Variants in RPS6KC1 observed in about 807,000 individuals in gnomAD.
The protein encoded by RPS6KC1 is ribosomal protein S6 kinase C1.
In RPS6KC1, 54 loss-of-function variants were observed where a neutral mutation model predicts 103.8. The ratio of observed to expected loss-of-function variants is 0.52; its 90% confidence interval spans 0.42 to 0.65. The LOEUF is 0.65. RPS6KC1 is among the 30% of genes least tolerant of loss of function. The pLI is 0.00. For synonymous variants in RPS6KC1, 439 were observed against 438.7 expected, an observed-to-expected ratio of 1.00 and a Z score of -0.01; for missense variants, 1,151 against 1,253.8, an observed-to-expected ratio of 0.92 and a Z score of 1.24.
chr1:213,377,503 ACTTT>A, the RPS6KC1 span, among the ~76,000 whole-genome samples: 1 of 152,202 alleles, frequency 6.6e-6, no homozygotes, highest in Non-Finnish European at 1.5e-5. Flanking sequence ...ATTTTCTAAC[ACTTT>A]CTATTTGTGG....
chr1:213,630,997 G>A, the RPS6KC1 span, among the ~76,000 whole-genome samples: 4 of 152,170 alleles, frequency 2.6e-5, no homozygotes, highest in African/African-American at 7.2e-5. Context: ...CTGGGGCATA[G>A]GACCCTCTGA....
the RPS6KC1 span, among the ~76,000 whole-genome samples, chr1:213,453,236 C>G: frequency 6.6e-6 from 1 of 152,120 alleles, no homozygotes; most frequent in Non-Finnish European, 1.5e-5. Flanking sequence ...TGAATATCTT[C>G]TATACATCAG....
At chr1:213,519,311 T>A in the RPS6KC1 span, among the ~76,000 whole-genome samples, 1 of 152,114 alleles carries the variant, frequency 6.6e-6, no homozygotes, top group Admixed American at 6.6e-5. Flanking sequence ...GAGTCTGTAA[T>A]GTTAGATTGA....
intron 12 of RPS6KC1, among the ~76,000 whole-genome samples, chr1:213,258,202 C>T (rs1032240070): frequency 2.0e-5 from 3 of 151,932 alleles, no homozygotes; most frequent in Admixed American, 6.6e-5. Context: ...AGGATGGTCT[C>T]GATCTCCTGA....
intron 8 of RPS6KC1, among the ~76,000 whole-genome samples, chr1:213,202,579 C>T (rs2093203224): frequency 6.6e-6 from 1 of 152,120 alleles, no homozygotes; most frequent in Admixed American, 6.6e-5. Context: ...CCCCACTGCA[C>T]TCAAACCTGG....
At chr1:213,304,951 G>T in the RPS6KC1 span, among the ~76,000 whole-genome samples, 13 of 152,122 alleles carry the variant, frequency 8.5e-5, no homozygotes, top group African/African-American at 2.7e-4. Context: ...TTACATGGAG[G>T]TCCTCTGTTT....
At chr1:213,214,552 A>G (rs1285374844) in intron 8 of RPS6KC1, among the ~76,000 whole-genome samples, 1 of 152,212 alleles carries the variant, frequency 6.6e-6, no homozygotes. Flanking sequence ...ATGGACCTTG[A>G]GATCTGAGAA....
At chr1:213,677,011 G>A in the RPS6KC1 span, among the ~76,000 whole-genome samples, 1 of 152,208 alleles carries the variant, frequency 6.6e-6, no homozygotes, top group Non-Finnish European at 1.5e-5. Flanking sequence ...TAGATAGATA[G>A]GAGAGAGGAC....
At chr1:213,637,162 T>A in the RPS6KC1 span, among the ~76,000 whole-genome samples, 1 of 152,144 alleles carries the variant, frequency 6.6e-6, no homozygotes, top group Non-Finnish European at 1.5e-5. Context: ...ACACTGTTGG[T>A]GGGAGTGTAA....
Position 213,241,598 on chromosome 1 carries a change from A to G in RPS6KC1, c.2122A>G (p.Met708Val). 1 of 1,613,946 alleles carries G rather than the reference A, an allele frequency of 6.2e-7. No individual in the cohort carries two copies. Among genetic ancestry groups the G allele is most frequent in the Non-Finnish European group, 8.5e-7 (1 of 1,179,922 alleles). Residue 708 changes from methionine (M) to valine (V), a missense_variant, in exon 11 of 15, where the codon ATG becomes GTG. This residue lies in a region of RPS6KC1 where 959 missense variants were observed against 1,006.3 expected (regional missense o/e 0.95). Transcript: ENST00000366960. The part of the protein sequence containing the change: ...ELESTREAAA[M>V]GPTKFTQTNI... ...GGAGTCAACAAGAGAAGCTGCAGCA[A>G]TGGGACCTACTAAGTTTACACAAAC...
chr1:213,645,462 C>T, the RPS6KC1 span, among the ~76,000 whole-genome samples: 2 of 152,034 alleles, frequency 1.3e-5, no homozygotes, highest in African/African-American at 2.4e-5. Flanking sequence ...AACAAGAATG[C>T]GTATGTAAAG....
At chr1:213,753,129 C>A in the RPS6KC1 span, among the ~76,000 whole-genome samples, 1 of 152,184 alleles carries the variant, frequency 6.6e-6, no homozygotes, top group African/African-American at 2.4e-5. Context: ...TCCCACCTCA[C>A]CTTCCCCCTC....
the RPS6KC1 span, among the ~76,000 whole-genome samples, chr1:213,693,708 A>T: frequency 2.0e-5 from 3 of 152,222 alleles, no homozygotes; most frequent in Non-Finnish European, 4.4e-5. Flanking sequence ...AAATCAGAGG[A>T]GGACATTGGG....
At chr1:213,510,880 C>G in the RPS6KC1 span, among the ~76,000 whole-genome samples, 99 of 152,166 alleles carry the variant, frequency 6.5e-4, no homozygotes, top group Admixed American at 1.2e-3. Context: ...GTGCCTAGCC[C>G]AGGGCCGAAG....
At chr1:213,569,843 T>C in the RPS6KC1 span, among the ~76,000 whole-genome samples, 1 of 152,316 alleles carries the variant, frequency 6.6e-6, no homozygotes, top group African/African-American at 2.4e-5. Context: ...TGAGACATTT[T>C]CTAAGTGTTG....
the RPS6KC1 span, among the ~76,000 whole-genome samples, chr1:213,439,897 G>A: frequency 6.6e-6 from 1 of 152,126 alleles, no homozygotes; most frequent in African/African-American, 2.4e-5. Context: ...AAAGATTAAT[G>A]AGGCAAGTGA....
the RPS6KC1 span, among the ~76,000 whole-genome samples, chr1:213,384,212 C>A: frequency 6.6e-6 from 1 of 151,750 alleles, no homozygotes; most frequent in Non-Finnish European, 1.5e-5. Flanking sequence ...GGAGGTGGAG[C>A]TTGCCGTGAG....
At chr1:213,448,402 G>A in the RPS6KC1 span, among the ~76,000 whole-genome samples, 31 of 152,078 alleles carry the variant, frequency 2.0e-4, no homozygotes, top group East Asian at 3.9e-3. Context: ...CGAAACCCCC[G>A]GATGATTCTT....
chr1:213,186,638 T>C (rs1287794622), intron 8 of RPS6KC1, among the ~76,000 whole-genome samples: 3 of 152,216 alleles, frequency 2.0e-5, no homozygotes, highest in African/African-American at 7.2e-5. Context: ...AAATTTCTGT[T>C]ATTTCTTTGA....
Sources: gnomAD v4.1 joint callset for allele counts (sites outside exome capture counted in the v4.1 genomes callset) on GRCh38, gnomAD v4.1.1 for gene constraint, gnomAD v4.1.1 regional missense constraint, MANE v1.5 for transcripts, NCBI Gene and HGNC (gene_info 2026-07-23, HGNC 2026-07-21) for gene names.